JAZF1: variants seen among roughly 807,000 people sequenced by gnomAD.
JAZF1 encodes JAZF zinc finger 1, also known as juxtaposed with another zinc finger protein 1.
In JAZF1, 8 loss-of-function variants were observed where a neutral mutation model predicts 26.4. The ratio of observed to expected loss-of-function variants is 0.30; its 90% CI spans 0.18 to 0.55. The LOEUF is 0.55. JAZF1 is among the 20% of genes least tolerant of loss of function. JAZF1 has a pLI of 0.94. For synonymous variants in JAZF1, 126 were observed against 122.3 expected (o/e 1.03, Z -0.20); for missense variants, 199 against 322.0 (o/e 0.62, Z 2.92).
At position 28,001,817 on chromosome 7, in the gene JAZF1, G is replaced by A. The variant is rs541335047; in HGVS notation, c.116-9836C>T. On this transcript the variant is annotated intron_variant, in intron 1 of 4. Coordinates refer to ENST00000283928, the MANE Select transcript of JAZF1 (RefSeq NM_175061.4). ...CCAGTGGTGGCAGGGAGGACTGGGC[G>A]GGGGCGGGAAACTGGGATGTAGAAA... Among the ~76,000 whole-genome samples the A allele has an allele frequency of 1.8e-4, 27 of 152,160 alleles. No homozygotes were observed. In the South Asian group the frequency reaches 3.9e-3, roughly 22 times the overall value.
At chr7:27,967,120 G>A (rs1308068395) in intron 2 of JAZF1, among the ~76,000 whole-genome samples, 1 of 151,968 alleles carries the variant, frequency 6.6e-6, no homozygotes, top group Non-Finnish European at 1.5e-5. Flanking sequence ...CAGACACATC[G>A]GTTTTATTTT....
At chr7:27,920,735 G>C (rs199843729) in intron 2 of JAZF1, among the ~76,000 whole-genome samples, 1 of 152,060 alleles carries the variant, frequency 6.6e-6, no homozygotes, top group African/African-American at 2.4e-5. Context: ...CACTTCCGCC[G>C]ACAACAGAGT....
chr7:27,857,308 C>T (rs930030168), intron 3 of JAZF1, among the ~76,000 whole-genome samples: 48 of 152,178 alleles, frequency 3.2e-4, no homozygotes, highest in Non-Finnish European at 5.4e-4. Flanking sequence ...GCTCCGAGTG[C>T]GGGGACCGCC....
intron 1 of JAZF1, among the ~76,000 whole-genome samples, chr7:28,056,476 A>AC (rs1562572650): frequency 2.6e-5 from 2 of 77,792 alleles, no homozygotes; most frequent in Admixed American, 1.1e-4. Context: ...ACACACACAC[A>AC]ATAAGAAAGA....
At position 27,952,394 on chromosome 7, in the gene JAZF1, T is replaced by A. The variant is rs75890803; in HGVS notation, c.188+39515A>T. On this transcript the variant is annotated intron_variant, in intron 2 of 4. Transcript: ENST00000283928. ...CCAATGAAATGGTTCCCATGCTTCA[T>A]CTGTGTCACCAATGTCAATAGGGGA... 4.1e-3 allele frequency among the ~76,000 whole-genome samples: 618 copies of A among 152,380 alleles called. 4 individuals carry two copies. The highest frequency in any genetic ancestry group is 6.4e-3 in the Non-Finnish European group (436 of 68,040).
At chr7:27,909,308 C>T (rs1485782155) in intron 2 of JAZF1, among the ~76,000 whole-genome samples, 1 of 152,058 alleles carries the variant, frequency 6.6e-6, no homozygotes, top group East Asian at 1.9e-4. Context: ...GCTAAATATA[C>T]TTGGTAAACT....
At chr7:28,125,146 CTTTTTT>C (rs35830575) in intron 1 of JAZF1, among the ~76,000 whole-genome samples, 5,960 of 136,162 alleles carry the variant, frequency 0.044, 372 homozygotes, top group African/African-American at 0.14. Flanking sequence ...GGGAAGATTG[CTTTTTT>C]TTTTTTTTTT....
chr7:27,876,222 G>A (rs1009950961), intron 3 of JAZF1, among the ~76,000 whole-genome samples: 2 of 152,196 alleles, frequency 1.3e-5, no homozygotes, highest in African/African-American at 4.8e-5. Flanking sequence ...GGGGTGGAAG[G>A]GACAGAGGGT....
At chr7:27,872,504 G>C (rs982412682) in intron 3 of JAZF1, among the ~76,000 whole-genome samples, 1 of 152,276 alleles carries the variant, frequency 6.6e-6, no homozygotes, top group African/African-American at 2.4e-5. Flanking sequence ...GCGGGTATAC[G>C]GCTGAGAAAA....
At position 27,996,377 on chromosome 7, in the gene JAZF1, A is replaced by G. The variant is rs557321626; in HGVS notation, c.116-4396T>C. On this transcript the variant is annotated intron_variant, in intron 1 of 4. Transcript: ENST00000283928. ...AACTTGTTCAAATTCGATATCCTCCAAACACCAGGTTCTTTTTTAACTGTG... is the reference window on the plus strand; with the variant it reads ...AACTTGTTCAAATTCGATATCCTCCGAACACCAGGTTCTTTTTTAACTGTG... Among the ~76,000 whole-genome samples, 26 of 152,314 alleles carry G rather than the reference A, an allele frequency of 1.7e-4. No homozygotes were observed. In the East Asian group the frequency reaches 4.8e-3, roughly 28 times the overall value.
At chr7:27,944,129 G>C (rs1272685638) in intron 2 of JAZF1, among the ~76,000 whole-genome samples, 1 of 152,190 alleles carries the variant, frequency 6.6e-6, no homozygotes, top group Non-Finnish European at 1.5e-5. Context: ...AGAGCCCAGT[G>C]GTCTGACATT....
intron 2 of JAZF1, among the ~76,000 whole-genome samples, chr7:27,967,208 C>A (rs766285459): frequency 2.0e-5 from 3 of 152,060 alleles, no homozygotes; most frequent in Non-Finnish European, 2.9e-5. Context: ...TGGTTTTGGG[C>A]AGCGGGTCAA....
At position 28,180,539 on chromosome 7, in the gene JAZF1, G is replaced by A. The variant is rs745866421; in HGVS notation, c.39C>T (p.Thr13=). The A allele has an allele frequency of 1.9e-6, 3 of 1,610,694 alleles. No individual in the cohort carries two copies. Among genetic ancestry groups the A allele is most frequent in the Admixed American group, 1.7e-5 (1 of 59,738 alleles). The change falls in exon 1 of 5, where the codon ACC becomes ACT. Residue 13 remains threonine (T), a synonymous_variant. Coordinates refer to ENST00000283928, the MANE Select transcript of JAZF1 (RefSeq NM_175061.4). ...GIAAASFFSN[T]CRFGGCGLHF... is the part of the protein sequence containing the mutation. ...GGAGTCCGCAGCCCCCGAATCGGCAGGTATTGGAGAAGAAGGAGGCGGCGG... is the reference window on the plus strand; with the variant it reads ...GGAGTCCGCAGCCCCCGAATCGGCAAGTATTGGAGAAGAAGGAGGCGGCGG...
intron 3 of JAZF1, among the ~76,000 whole-genome samples, chr7:27,856,239 T>A (rs1665273864): frequency 6.6e-6 from 1 of 152,202 alleles, no homozygotes; most frequent in Admixed American, 6.5e-5. Context: ...CTGCAGACCT[T>A]CGCGGTGAGC....
At chr7:28,176,871 T>C (rs566820813) in intron 1 of JAZF1, among the ~76,000 whole-genome samples, 1 of 152,054 alleles carries the variant, frequency 6.6e-6, no homozygotes, top group Non-Finnish European at 1.5e-5. Flanking sequence ...GGACATGACC[T>C]TCAGTGCTAA....
At chr7:28,037,017 G>A (rs1002617370) in intron 1 of JAZF1, among the ~76,000 whole-genome samples, 6 of 152,166 alleles carry the variant, frequency 3.9e-5, no homozygotes, top group African/African-American at 1.4e-4. Flanking sequence ...TGGGCCTGGG[G>A]ACAAGGGAAC....
Position 27,853,610 on chromosome 7 carries a change from T to G in JAZF1, c.386-12743A>C, listed in dbSNP as rs184377791. Among the ~76,000 whole-genome samples, 86 of 152,352 alleles carry G rather than the reference T, an allele frequency of 5.6e-4. No homozygotes were observed. In the East Asian group the frequency reaches 0.012, roughly 22 times the overall value. ...CATTGGTTTCAAAGAAATTATTTAT[T>G]TCTGCCTTCATTTCATTATTTACCC... is the stretch of plus-strand genomic sequence containing the variant. On this transcript the variant is annotated intron_variant, in intron 3 of 4. Coordinates refer to ENST00000283928, the MANE Select transcript of JAZF1 (RefSeq NM_175061.4).
intron 1 of JAZF1, among the ~76,000 whole-genome samples, chr7:28,014,935 AG>A (rs1409753448): frequency 2.6e-5 from 4 of 152,176 alleles, no homozygotes; most frequent in Non-Finnish European, 5.9e-5. Context: ...TGCAGAGAGC[AG>A]TGGTTTAAAG....
At chr7:27,888,799 T>G (rs2128340854) in intron 3 of JAZF1, among the ~76,000 whole-genome samples, 2 of 152,332 alleles carry the variant, frequency 1.3e-5, no homozygotes, top group Middle Eastern at 6.8e-3. Flanking sequence ...TGGTTTAATT[T>G]CCTTGGGTGC....
Sources: allele counts gnomAD v4.1 joint callset (sites outside exome capture counted in the v4.1 genomes callset), GRCh38; gene constraint gnomAD v4.1.1; transcripts MANE v1.5; gene names NCBI Gene and HGNC (gene_info 2026-07-23, HGNC 2026-07-21).